ANKRD26: variants seen among roughly 807,000 people sequenced by gnomAD.
ANKRD26 encodes ankyrin repeat domain 26, also known as ankyrin repeat domain-containing protein 26.
Under a neutral mutation model 208.7 loss-of-function variants are expected in ANKRD26, and 141 were observed. That is an observed-to-expected ratio of 0.68 (90% CI 0.59 to 0.78). ANKRD26 has a LOEUF of 0.78. ANKRD26 is among the 30% of genes least tolerant of loss of function. The pLI, the probability that ANKRD26 is intolerant of heterozygous loss-of-function variation, is 0.00. For missense variants in ANKRD26, 1,889 were observed against 1,938.7 expected (o/e 0.97, Z 0.48); for synonymous variants, 636 against 660.4 (o/e 0.96, Z 0.57).
the ANKRD26 span, among the ~76,000 whole-genome samples, chr10:26,960,880 T>C: frequency 6.6e-6 from 1 of 152,156 alleles, no homozygotes; most frequent in African/African-American, 2.4e-5. Flanking sequence ...GGGGGTAGCC[T>C]CAATCCTATG....
At chr10:27,038,607 T>C (rs1179199257) in intron 21 of ANKRD26, among the ~76,000 whole-genome samples, 1 of 150,620 alleles carries the variant, frequency 6.6e-6, no homozygotes, top group Non-Finnish European at 1.5e-5. Context: ...GCCGAGATTG[T>C]GCCACTGCAC....
At chr10:26,957,781 G>A in the ANKRD26 span, among the ~76,000 whole-genome samples, 1 of 152,092 alleles carries the variant, frequency 6.6e-6, no homozygotes. Flanking sequence ...ATTAGATTAG[G>A]AAATATATGA....
intron 19 of ANKRD26, 34 bp from the exon 20 acceptor site, chr10:27,043,601 C>A (rs746694108): frequency 3.1e-6 from 5 of 1,593,132 alleles, no homozygotes; most frequent in Non-Finnish European, 4.3e-6. Context: ...CAAAATGTCC[C>A]CAGAATATTT....
chr10:26,960,821 G>A, the ANKRD26 span, among the ~76,000 whole-genome samples: 1 of 152,192 alleles, frequency 6.6e-6, no homozygotes, highest in Non-Finnish European at 1.5e-5. Context: ...TTGATTCCAT[G>A]TGGAAAGGAA....
chr10:27,079,071 C>A lies in ANKRD26; in HGVS notation c.813+18G>T. On this transcript the variant is annotated intron_variant, in intron 7 of 33. Transcript: ENST00000376087. The stretch of plus-strand genomic sequence containing the variant: ...AGATTCAGAGTAAGAAAATTAAGTT[C>A]ATGAGAGAGCACTTTACCTTAGTAT... The A allele has an allele frequency of 6.2e-7, 1 of 1,601,174 alleles. No individual in the cohort carries two copies. The highest frequency in any genetic ancestry group is 1.1e-5 in the South Asian group (1 of 90,758).
chr10:27,049,173 CA>C (rs2054562778), intron 16 of ANKRD26, among the ~76,000 whole-genome samples, 194 bp from the exon 17 acceptor site: 1 of 152,032 alleles, frequency 6.6e-6, no homozygotes, highest in African/African-American at 2.4e-5. Flanking sequence ...ATAATTTTAT[CA>C]ACGAAATTTT....
downstream of ANKRD26, among the ~76,000 whole-genome samples, chr10:26,971,039 T>C (rs894428846): frequency 5.3e-5 from 8 of 152,098 alleles, no homozygotes; most frequent in African/African-American, 1.7e-4. Context: ...TGTAAAGAAA[T>C]AGCATGTTGA....
chr10:27,039,390 G>T (rs1465574355), intron 21 of ANKRD26, among the ~76,000 whole-genome samples: 1 of 150,890 alleles, frequency 6.6e-6, no homozygotes, highest in Non-Finnish European at 1.5e-5. Flanking sequence ...GGAGGCGGAG[G>T]TTACAGTGAG....
chr10:27,056,852 C>G (rs761601573), intron 15 of ANKRD26, among the ~76,000 whole-genome samples: 9 of 152,134 alleles, frequency 5.9e-5, no homozygotes, highest in Non-Finnish European at 1.3e-4. Flanking sequence ...GGACTGAATT[C>G]TCTGTGCTTC....
At chr10:26,995,015 C>T in intron 5 of ANKRD26, 2 of 470,154 alleles carry the variant, frequency 4.3e-6, no homozygotes, top group African/African-American at 4.0e-5. Flanking sequence ...CCATGCTCCC[C>T]TCTTAAATCA....
chr10:27,066,405 AG>A, intron 11 of ANKRD26, 81 bp downstream of exon 11: 2 of 1,103,318 alleles, frequency 1.8e-6, no homozygotes, highest in Non-Finnish European at 2.7e-6. Flanking sequence ...GAGGTAAAAA[AG>A]TCAAGTCAAA....
At chr10:26,972,104 G>C (rs6482584), downstream of ANKRD26, among the ~76,000 whole-genome samples, 3 of 151,606 alleles carry the variant, frequency 2.0e-5, no homozygotes, top group Non-Finnish European at 2.9e-5. Flanking sequence ...GCGTGGTGGC[G>C]GGCGCCTGTA....
chr10:27,049,082 C>G (rs1474578992), intron 16 of ANKRD26, 103 bp from the exon 17 acceptor site: 1 of 991,892 alleles, frequency 1.0e-6, no homozygotes, highest in Non-Finnish European at 1.5e-6. Context: ...ACTATGGTAA[C>G]TTTAGCCAAT....
intron 3 of ANKRD26, among the ~76,000 whole-genome samples, chr10:26,983,904 C>T (rs2052345681): frequency 1.3e-5 from 2 of 152,116 alleles, no homozygotes; most frequent in South Asian, 4.1e-4. Flanking sequence ...CTAGTCCTGA[C>T]CTCAGAAGGG....
intron 10 of ANKRD26, among the ~76,000 whole-genome samples, 190 bp from the exon 11 acceptor site, chr10:27,066,738 G>A (rs1188281016): frequency 4.0e-5 from 6 of 151,700 alleles, no homozygotes; most frequent in Admixed American, 3.3e-4. Context: ...AAGAAAGACA[G>A]CAAAAGAAAA....
chr10:27,056,505 C>G (rs990248489), intron 15 of ANKRD26, among the ~76,000 whole-genome samples: 2 of 151,620 alleles, frequency 1.3e-5, no homozygotes, highest in Non-Finnish European at 2.9e-5. Flanking sequence ...CTAGGCTGGG[C>G]AAGGTTACAT....
At chr10:27,069,171 G>T (rs2055379050) in intron 9 of ANKRD26, among the ~76,000 whole-genome samples, 1 of 130,516 alleles carries the variant, frequency 7.7e-6, no homozygotes, top group Non-Finnish European at 1.5e-5. Context: ...CTCTGACCTG[G>T]GCAACAGAGT....
At chr10:27,082,049 T>TAA (rs994610726) in intron 6 of ANKRD26, among the ~76,000 whole-genome samples, 28 of 67,640 alleles carry the variant, frequency 4.1e-4, no homozygotes, top group East Asian at 2.1e-3. Flanking sequence ...TGCAGTTATT[T>TAA]AAAAAAAAAA....
chr10:27,053,452 T>G, intron 15 of ANKRD26, 62 bp from the exon 16 acceptor site: 1 of 1,050,618 alleles, frequency 9.5e-7, no homozygotes, highest in East Asian at 2.4e-5. Context: ...AAAGGTATAG[T>G]CTTTACAGAA....
Sources: allele counts gnomAD v4.1 joint callset (sites outside exome capture counted in the v4.1 genomes callset), GRCh38; gene constraint gnomAD v4.1.1; transcripts MANE v1.5; gene names NCBI Gene and HGNC (gene_info 2026-07-23, HGNC 2026-07-21).